ABCA4: variants seen among roughly 807,000 people sequenced by gnomAD.
The protein encoded by ABCA4 is retinal-specific phospholipid-transporting ATPase ABCA4.
A neutral mutation model predicts 263.7 loss-of-function variants in ABCA4; 196 were observed. That is an observed-to-expected ratio of 0.74 (90% CI 0.66 to 0.84). The LOEUF (loss-of-function observed/expected upper bound fraction) is 0.84, where lower values mean the gene tolerates loss of function less well. ABCA4 is among the 40% of genes least tolerant of loss of function. The pLI is 0.00. For synonymous variants in ABCA4, 1,133 were observed against 1,094.2 expected (o/e 1.04, Z -0.70); for missense variants, 2,792 against 2,855.1 (o/e 0.98, Z 0.50).
At chr1:94,053,141 G>A (rs1397739922) in intron 16 of ABCA4, among the ~76,000 whole-genome samples, 4 of 152,160 alleles carry the variant, frequency 2.6e-5, no homozygotes, top group Admixed American at 6.5e-5. Context: ...CTCTTCCCCC[G>A]ACCCCATACT....
intron 48 of ABCA4, among the ~76,000 whole-genome samples, chr1:93,996,547 A>G (rs1271518457): frequency 6.6e-6 from 1 of 152,144 alleles, no homozygotes; most frequent in African/African-American, 2.4e-5. Flanking sequence ...CTCCTCATTG[A>G]GTGTGCAGGT....
intron 6 of ABCA4, among the ~76,000 whole-genome samples, chr1:94,084,944 G>C (rs910170022): frequency 6.6e-6 from 1 of 152,114 alleles, no homozygotes; most frequent in Non-Finnish European, 1.5e-5. Flanking sequence ...AGTCCTGCCC[G>C]TCCTCCCTCC....
rs1489630277 is a variant in ABCA4, at chr1:94,021,910, G to A, written c.4709C>T (p.Pro1570Leu). 9.9e-6 allele frequency: 16 copies of A among 1,614,046 alleles called. No individual in the cohort carries two copies. Among genetic ancestry groups the A allele is most frequent in the Non-Finnish European group, 1.4e-5 (16 of 1,180,038 alleles). The change falls in exon 33 of 50, where the codon CCC becomes CTC. Residue 1570 changes from proline to leucine, a missense_variant. Physicochemically the swap from Pro to Leu is moderately conservative, Grantham distance 98. Coordinates refer to ENST00000370225, the MANE Select transcript of ABCA4 (RefSeq NM_000350.3). Reference sequence around the variant, plus strand: ...CCCAACAAGTGCTTCCCCCGTGATGGGGACGACTGGGAGCTTTCCTCCAAT... The same window carrying A: ...CCCAACAAGTGCTTCCCCCGTGATGAGGACGACTGGGAGCTTTCCTCCAAT... Reference protein sequence around the residue: ...ISIGGKLPVVPITGEALVGFL... With the variant: ...ISIGGKLPVVLITGEALVGFL...
chr1:94,042,689 G>A, intron 22 of ABCA4, 72 bp downstream of exon 22: 2 of 1,600,722 alleles, frequency 1.2e-6, no homozygotes, highest in Admixed American at 1.7e-5. Context: ...CAAAATGGCA[G>A]GTGAGAGAGT....
chr1:94,006,252 G>T (rs910386359), intron 43 of ABCA4, among the ~76,000 whole-genome samples: 2 of 151,216 alleles, frequency 1.3e-5, no homozygotes, highest in African/African-American at 4.9e-5. Flanking sequence ...GACCATTACA[G>T]TTCCCCACAA....
chr1:94,036,244 C>G (rs1660332838), intron 26 of ABCA4, among the ~76,000 whole-genome samples: 1 of 150,668 alleles, frequency 6.6e-6, no homozygotes, highest in Non-Finnish European at 1.5e-5. Flanking sequence ...CCAAAGTGTC[C>G]CCATCTAGAC....
chr1:94,046,262 G>A (rs1024094354), intron 19 of ABCA4, among the ~76,000 whole-genome samples: 1 of 136,354 alleles, frequency 7.3e-6, no homozygotes, highest in Non-Finnish European at 1.6e-5. Flanking sequence ...GGCCAACATG[G>A]TGAAACCCTG....
At chr1:94,018,822 C>T (rs1344427878) in intron 36 of ABCA4, among the ~76,000 whole-genome samples, 1 of 151,940 alleles carries the variant, frequency 6.6e-6, no homozygotes, top group Non-Finnish European at 1.5e-5. Flanking sequence ...CCCTCCCTAC[C>T]CCCACCAACC....
At chr1:94,002,315 G>A (rs1289419906) in intron 44 of ABCA4, among the ~76,000 whole-genome samples, 1 of 152,252 alleles carries the variant, frequency 6.6e-6, no homozygotes, top group South Asian at 2.1e-4. Context: ...AGCAGTGGAG[G>A]AGGAAGGCTC....
At chr1:94,063,890 G>C (rs996222486) in intron 11 of ABCA4, among the ~76,000 whole-genome samples, 1 of 152,060 alleles carries the variant, frequency 6.6e-6, no homozygotes, top group Non-Finnish European at 1.5e-5. Context: ...GTAATGCTGG[G>C]GGAGGAGGAA....
intron 6 of ABCA4, among the ~76,000 whole-genome samples, chr1:94,088,541 C>T (rs532171673): frequency 2.1e-4 from 32 of 152,240 alleles, no homozygotes; most frequent in Non-Finnish European, 4.4e-4. Flanking sequence ...CTGACCACAT[C>T]GTCTTACCCC....
intron 36 of ABCA4, among the ~76,000 whole-genome samples, chr1:94,018,316 G>A (rs1264388553): frequency 2.0e-5 from 3 of 152,096 alleles, no homozygotes; most frequent in African/African-American, 2.4e-5. Context: ...GTAACTTTTC[G>A]GTACCGGTGG....
rs281865377 is a variant in ABCA4 at position 94,029,446 on chromosome 1, TG to T, written c.4537del (p.Gln1513ArgfsTer13). The T allele has an allele frequency of 6.5e-6, 10 of 1,549,668 alleles. No homozygotes were observed. The highest frequency in any genetic ancestry group is 4.8e-5 in the East Asian group (2 of 41,272). ...CCCCGTTGTTTGGAGGTCAGGTACC[TG>T]GGGGGGCGGGAGGCCCCCGGCACCC... is the stretch of plus-strand genomic sequence containing the variant. ...PEGAGGLPPPQRTQRSTEILQ... is the reference protein window; with the variant it reads ...PEGAGGLPPPXRTQRSTEILQ... On this transcript the variant is annotated frameshift_variant and splice_region_variant, in exon 30 of 50. Coordinates refer to ENST00000370225, the MANE Select transcript of ABCA4 (RefSeq NM_000350.3). LOFTEE classifies it high-confidence loss of function.
intron 11 of ABCA4, among the ~76,000 whole-genome samples, chr1:94,075,392 TTCTTA>T (rs1661513636): frequency 6.6e-6 from 1 of 152,186 alleles, no homozygotes; most frequent in East Asian, 1.9e-4. Context: ...TTCAAGGTCA[TTCTTA>T]TCTTCAGACA....
intron 9 of ABCA4, among the ~76,000 whole-genome samples, 180 bp downstream of exon 9, chr1:94,079,142 C>T (rs573177216): frequency 8.5e-5 from 13 of 152,252 alleles, no homozygotes; most frequent in Admixed American, 7.2e-4. Flanking sequence ...CAGGCAGGGG[C>T]ACTGAAGCAA....
intron 44 of ABCA4, among the ~76,000 whole-genome samples, chr1:94,003,787 C>G (rs1367723775): frequency 3.3e-5 from 5 of 152,096 alleles, no homozygotes; most frequent in Non-Finnish European, 7.4e-5. Context: ...GCGTGCACCA[C>G]CAGGCCCAGC....
chr1:94,004,327 G>T (rs1490470383), intron 44 of ABCA4, among the ~76,000 whole-genome samples: 1 of 152,102 alleles, frequency 6.6e-6, no homozygotes, highest in Non-Finnish European at 1.5e-5. Flanking sequence ...ATATTTGTAA[G>T]TCCCTTCTTC....
rs76560519 is a variant in ABCA4 at position 94,056,225 on chromosome 1, A to G, written c.2382+376T>C. Among the ~76,000 whole-genome samples the G allele has an allele frequency of 3.8e-3, 577 of 152,356 alleles. 9 individuals are homozygous for G. In the South Asian group the frequency reaches 0.038, roughly 10 times the overall value. On this transcript the variant is annotated intron_variant, in intron 15 of 49. Transcript: ENST00000370225. The stretch of plus-strand genomic sequence containing the variant: ...ACAAAAACCTTTAATTAATGGAAAC[A>G]TCTCTTTAGACAGATAGTAAAGTGG...
rs962584356 is a variant in ABCA4 at position 94,005,361 on chromosome 1, A to G, written c.6147+80T>C. 8 of 1,560,370 alleles carry G rather than the reference A, an allele frequency of 5.1e-6. No individual in the cohort carries two copies. In the Admixed American group the frequency reaches 1.2e-4, roughly 23 times the overall value. On this transcript the variant is annotated intron_variant, in intron 44 of 49. Transcript: ENST00000370225. ...AATGAATAGCACGCTTCAGTTTCTCATCTCCAAGAGAATGCACTCTCATGA... is the reference window on the plus strand; with the variant it reads ...AATGAATAGCACGCTTCAGTTTCTCGTCTCCAAGAGAATGCACTCTCATGA...
Sources: gnomAD v4.1 joint callset for allele counts (sites outside exome capture counted in the v4.1 genomes callset) on GRCh38, gnomAD v4.1.1 for gene constraint, MANE v1.5 for transcripts, NCBI Gene and HGNC (gene_info 2026-07-23, HGNC 2026-07-21) for gene names.